Variants in STIM1 observed in about 807,000 individuals in gnomAD.
STIM1 encodes the protein stromal interaction molecule 1.
A neutral mutation model predicts 74.7 loss-of-function variants in STIM1; 25 were observed. The observed-to-expected ratio is 0.33, with a 90% confidence interval of 0.24 to 0.47. The LOEUF is 0.47. Among genes scored for constraint, STIM1 ranks in the 20% least tolerant of loss-of-function variants. The pLI is 1.00. For missense variants in STIM1, 728 were observed against 920.8 expected (o/e 0.79, Z 2.71); for synonymous variants, 328 against 348.8 (o/e 0.94, Z 0.66).
chr11:4,001,576 C>T (rs1312165532), intron 2 of STIM1, among the ~76,000 whole-genome samples: 1 of 152,078 alleles, frequency 6.6e-6, no homozygotes, highest in East Asian at 1.9e-4. Context: ...TAAAAGAGCT[C>T]CTGAAGGAAG....
At chr11:3,902,092 G>T (rs994271147) in intron 1 of STIM1, among the ~76,000 whole-genome samples, 4 of 152,152 alleles carry the variant, frequency 2.6e-5, no homozygotes, top group African/African-American at 9.7e-5. Context: ...AACATTTATT[G>T]TTCTTGGGTA....
chr11:3,862,880 G>C (rs200688244), intron 1 of STIM1, among the ~76,000 whole-genome samples: 1 of 146,132 alleles, frequency 6.8e-6, no homozygotes, highest in South Asian at 2.2e-4. Flanking sequence ...ACACACACAC[G>C]CACACACACA....
chr11:3,856,458 C>A, intron 1 of STIM1, 49 bp downstream of exon 1: 2 of 1,587,644 alleles, frequency 1.3e-6, no homozygotes, highest in Non-Finnish European at 1.7e-6. Context: ...TGGCTCAGGA[C>A]TGAGTGGCCC....
In STIM1 at chr11:4,068,942, A is replaced by T. The variant is rs141873194; in HGVS notation, c.614-1084A>T. On this transcript the variant is annotated intron_variant, in intron 5 of 12. Coordinates refer to ENST00000526596, the MANE Select transcript of STIM1 (RefSeq NM_001382567.1). The stretch of plus-strand genomic sequence containing the variant: ...CATGTCCTTACTATGTCCAAGGATC[A>T]TGCCAGTCCTACCTCCTTCTCTGCT... 5.4e-3 allele frequency among the ~76,000 whole-genome samples: 822 copies of T among 152,322 alleles called. 2 individuals carry two copies. The highest frequency in any genetic ancestry group is 0.014 in the Middle Eastern group (4 of 294).
At chr11:3,923,914 A>T (rs1357410599) in intron 1 of STIM1, among the ~76,000 whole-genome samples, 1 of 152,160 alleles carries the variant, frequency 6.6e-6, no homozygotes, top group Non-Finnish European at 1.5e-5. Flanking sequence ...GCTTTGCATT[A>T]AATCTATAGA....
chr11:4,044,835 G>C (rs1027697243), intron 3 of STIM1, among the ~76,000 whole-genome samples: 1 of 152,158 alleles, frequency 6.6e-6, no homozygotes, highest in African/African-American at 2.4e-5. Context: ...TAGAGCAGTG[G>C]TTCTCAGCTG....
At chr11:4,011,883 C>T (rs1264389672) in intron 2 of STIM1, among the ~76,000 whole-genome samples, 1 of 152,162 alleles carries the variant, frequency 6.6e-6, no homozygotes, top group African/African-American at 2.4e-5. Flanking sequence ...TTTAATCCAT[C>T]TCTAGTTAAT....
intron 1 of STIM1, among the ~76,000 whole-genome samples, chr11:3,924,643 C>T (rs1185269110): frequency 6.6e-6 from 1 of 152,132 alleles, no homozygotes; most frequent in African/African-American, 2.4e-5. Context: ...ACACTTCCAG[C>T]TTTAATTTCT....
intron 1 of STIM1, among the ~76,000 whole-genome samples, chr11:3,884,135 C>T (rs2091619524): frequency 6.6e-6 from 1 of 152,092 alleles, no homozygotes; most frequent in African/African-American, 2.4e-5. Flanking sequence ...CTTAAAATCA[C>T]CTCACAAGGG....
rs3061890 is a variant in STIM1 at position 3,855,883 on chromosome 11, CTCTCTTCTCT to C, written c.-375_-366del. The C allele has an allele frequency of 2.5e-5, 6 of 237,766 alleles. No homozygotes were observed. The highest frequency in any genetic ancestry group is 4.3e-5 in the Non-Finnish European group (5 of 115,940). 14.7% of individuals were successfully genotyped at this position (237,766 alleles called of 1,614,324 possible). A position where few individuals can be genotyped will look rare whatever the true frequency, so the allele number is the denominator to read the frequency against. ...GCGAGGTCAGGTGCCCCCTTCTCGC[CTCTCTTCTCT>C]TCTCTTCTCTTCCTCCTCCACTTCT... On this transcript the variant is annotated 5_prime_UTR_variant, in exon 1 of 13. Transcript: ENST00000526596.
At chr11:3,965,201 T>G (rs916595500) in intron 1 of STIM1, among the ~76,000 whole-genome samples, 1 of 152,264 alleles carries the variant, frequency 6.6e-6, no homozygotes, top group Admixed American at 6.5e-5. Context: ...TGTCTACGGA[T>G]GCTTTTGTGC....
At chr11:4,015,539 G>A (rs1233544883) in intron 2 of STIM1, among the ~76,000 whole-genome samples, 8 of 152,046 alleles carry the variant, frequency 5.3e-5, no homozygotes, top group South Asian at 2.1e-4. Flanking sequence ...TGCTCTTCTC[G>A]AGGAGTATCT....
intron 2 of STIM1, among the ~76,000 whole-genome samples, chr11:3,997,584 A>G (rs548626921): frequency 1.3e-5 from 2 of 152,334 alleles, no homozygotes; most frequent in Admixed American, 1.3e-4. Context: ...TCACTGACAC[A>G]TAATCCGGAT....
chr11:3,966,815 G>T lies in STIM1; in HGVS notation c.140-737G>T, dbSNP rs1565130741. Among the ~76,000 whole-genome samples the T allele has an allele frequency of 2.0e-5, 3 of 152,316 alleles. No homozygotes were observed. In the South Asian group the frequency reaches 6.2e-4, roughly 32 times the overall value. The stretch of plus-strand genomic sequence containing the variant: ...GGTGTTTTCCAGGCTTGTAAGAGAG[G>T]ACTAGGTGTCACAGAAAGAGCTAAG... On this transcript the variant is annotated intron_variant, in intron 1 of 12. Coordinates refer to ENST00000526596, the MANE Select transcript of STIM1 (RefSeq NM_001382567.1).
chr11:4,016,046 C>G, intron 2 of STIM1, among the ~76,000 whole-genome samples: 1 of 152,182 alleles, frequency 6.6e-6, no homozygotes, highest in Non-Finnish European at 1.5e-5. Context: ...CTACTTCTGT[C>G]AACTCGTTAA....
chr11:3,892,698 C>A, intron 1 of STIM1: 2 of 1,612,986 alleles, frequency 1.2e-6, no homozygotes, highest in Non-Finnish European at 1.7e-6. Context: ...AAGTCACCAC[C>A]CTGACACATA....
chr11:4,015,403 C>G (rs990138923), intron 2 of STIM1, among the ~76,000 whole-genome samples: 1 of 151,884 alleles, frequency 6.6e-6, no homozygotes, highest in African/African-American at 2.4e-5. Context: ...GGGTTTCTGC[C>G]AAGAGATCCA....
chr11:4,086,675 C>T, intron 12 of STIM1, 132 bp downstream of exon 12: 1 of 1,544,140 alleles, frequency 6.5e-7, no homozygotes, highest in Non-Finnish European at 8.7e-7. Flanking sequence ...TCTGCTGCTG[C>T]TTCTTGCTCC....
At chr11:3,915,464 C>T (rs1358506605) in intron 1 of STIM1, among the ~76,000 whole-genome samples, 1 of 150,568 alleles carries the variant, frequency 6.6e-6, no homozygotes, top group Non-Finnish European at 1.5e-5. Context: ...GTGGTGCCAT[C>T]TCGGCTCACT....
Sources: gnomAD v4.1 joint callset for allele counts (sites outside exome capture counted in the v4.1 genomes callset) on GRCh38, gnomAD v4.1.1 for gene constraint, MANE v1.5 for transcripts, NCBI Gene and HGNC (gene_info 2026-07-23, HGNC 2026-07-21) for gene names.